The following OIP5 variants were observed in gnomAD, a reference collection of about 807,000 sequenced individuals.
The protein encoded by OIP5 is Opa interacting protein 5, also known as protein Mis18-beta.
Under a neutral mutation model 20.3 loss-of-function variants are expected in OIP5, and 24 were observed. That is an observed-to-expected ratio of 1.18 (90% CI 0.86 to 1.66). The LOEUF is 1.66. Ranked by LOEUF, OIP5 falls within the 40% of genes most tolerant of loss-of-function variation. The probability of loss-of-function intolerance (pLI) is 0.00; values close to 1 mark genes in which losing one functional copy is unlikely to be tolerated. For missense variants in OIP5, 339 were observed against 289.5 expected, an observed-to-expected ratio of 1.17 and a Z score of -1.24; for synonymous variants, 143 against 121.3, an observed-to-expected ratio of 1.18 and a Z score of -1.17.
At chr15:41,329,582 G>A (rs2047884398) in intron 2 of OIP5, among the ~76,000 whole-genome samples, 1 of 152,010 alleles carries the variant, frequency 6.6e-6, no homozygotes, top group Non-Finnish European at 1.5e-5. Flanking sequence ...CCAAAGTGCT[G>A]GGATTATAGG....
chr15:41,328,426 C>G (rs768376637), intron 2 of OIP5, among the ~76,000 whole-genome samples: 1 of 152,088 alleles, frequency 6.6e-6, no homozygotes, highest in Non-Finnish European at 1.5e-5. Context: ...TTGAATTTGC[C>G]ATAACAATTA....
chr15:41,312,259 T>C (rs544373364), intron 4 of OIP5, among the ~76,000 whole-genome samples: 1 of 151,890 alleles, frequency 6.6e-6, no homozygotes, highest in African/African-American at 2.4e-5. Flanking sequence ...TCTCGCAGGT[T>C]CAAGTGCTTC....
chr15:41,314,313 G>T (rs1393047585), intron 3 of OIP5, among the ~76,000 whole-genome samples: 1 of 152,124 alleles, frequency 6.6e-6, no homozygotes, highest in African/African-American at 2.4e-5. Flanking sequence ...TGTTGGCGAG[G>T]CTGGTCTCGA....
intron 3 of OIP5, 38 bp from the exon 4 acceptor site, chr15:41,313,392 T>C: frequency 2.6e-6 from 3 of 1,145,416 alleles, no homozygotes; most frequent in Non-Finnish European, 3.8e-6. Flanking sequence ...TGTCATACCA[T>C]GGTTAAGATT....
chr15:41,323,307 A>T (rs1368512965), intron 2 of OIP5, among the ~76,000 whole-genome samples: 1 of 152,170 alleles, frequency 6.6e-6, no homozygotes, highest in Non-Finnish European at 1.5e-5. Context: ...CAACATGGTG[A>T]AACTCCGTCT....
At chr15:41,332,186 G>A in intron 1 of OIP5, 54 bp downstream of exon 1, 4 of 1,511,654 alleles carry the variant, frequency 2.6e-6, no homozygotes, top group Non-Finnish European at 3.6e-6. Flanking sequence ...GGAGAAAGCG[G>A]GAACACCCTC....
intron 2 of OIP5, among the ~76,000 whole-genome samples, chr15:41,327,184 A>ATT (rs971332109): frequency 1.4e-5 from 2 of 146,538 alleles, no homozygotes. Context: ...GTATGTTTAA[A>ATT]TTTTTTTTTT....
rs915235093 is a variant in OIP5, at chr15:41,332,271, C to T, written c.291G>A (p.Leu97=). 4.5e-6 allele frequency: 7 copies of T among 1,560,220 alleles called. No homozygotes were observed. The South Asian group carries it at 4.8e-5, about 11-fold the overall frequency. ...AGACCACGGCCCCGAGGGACCGCGA[C>T]AGGTCCCAGGCGAGGTGCACCGAGT... ...LADSVHLAWD[L]SRSLGAVVFS... The change falls in exon 1 of 5, where the codon CTG becomes CTA. Residue 97 remains leucine (L), a synonymous_variant. Coordinates refer to ENST00000220514, the MANE Select transcript of OIP5 (RefSeq NM_007280.2).
intron 2 of OIP5, among the ~76,000 whole-genome samples, chr15:41,323,988 T>TTC (rs931518852): frequency 9.5e-5 from 13 of 136,766 alleles, no homozygotes; most frequent in Non-Finnish European, 1.7e-4. Context: ...ACCTCTGCTT[T>TTC]TTTTTTTTTT....
intron 2 of OIP5, among the ~76,000 whole-genome samples, chr15:41,329,251 C>T (rs1018009939): frequency 2.0e-5 from 3 of 151,272 alleles, no homozygotes; most frequent in Non-Finnish European, 4.4e-5. Context: ...TAACCCTCTT[C>T]GTAAGTCCCA....
At chr15:41,318,437 C>T (rs2047802126) in intron 3 of OIP5, among the ~76,000 whole-genome samples, 1 of 151,990 alleles carries the variant, frequency 6.6e-6, no homozygotes, top group South Asian at 2.1e-4. Context: ...GCTGGGATTA[C>T]AGGCGTGAGC....
At chr15:41,319,627 T>C (rs1167146743) in intron 3 of OIP5, 31 bp downstream of exon 3, 4 of 1,573,580 alleles carry the variant, frequency 2.5e-6, no homozygotes, top group Non-Finnish European at 3.4e-6. Context: ...AAATAAAATG[T>C]ATTTGATGAT....
chr15:41,330,586 G>A (rs575682561), intron 2 of OIP5, among the ~76,000 whole-genome samples: 50 of 151,940 alleles, frequency 3.3e-4, no homozygotes, highest in African/African-American at 1.0e-3. Context: ...TGTATTTTTA[G>A]TAGAGACACG....
At chr15:41,309,914 G>T in intron 4 of OIP5, 65 bp from the exon 5 acceptor site, 6 of 1,125,768 alleles carry the variant, frequency 5.3e-6, no homozygotes, top group Non-Finnish European at 7.8e-6. Context: ...TAAGAGACAG[G>T]GTCTCACTCT....
intron 3 of OIP5, among the ~76,000 whole-genome samples, chr15:41,318,888 A>C (rs2047804727): frequency 6.6e-6 from 1 of 151,710 alleles, no homozygotes; most frequent in Non-Finnish European, 1.5e-5. Context: ...ATAAAAAAAA[A>C]ACAGGAGTCT....
Position 41,309,861 on chromosome 15 carries a change from A to G in OIP5, c.595-12T>C. 1.9e-6 allele frequency: 3 copies of G among 1,568,144 alleles called. No individual in the cohort carries two copies. Among genetic ancestry groups the G allele is most frequent in the Non-Finnish European group, 2.6e-6 (3 of 1,140,762 alleles). On this transcript the variant is annotated splice_polypyrimidine_tract_variant and intron_variant, in intron 4 of 4. Coordinates refer to ENST00000220514, the MANE Select transcript of OIP5 (RefSeq NM_007280.2). ...ATCTTCTCTTTCAGCTAGGAAGAGA[A>G]ATATATAGATATCAGGGCATCTTTT...
At chr15:41,326,548 C>A (rs78588624) in intron 2 of OIP5, among the ~76,000 whole-genome samples, 12,797 of 152,194 alleles carry the variant, frequency 0.084, 678 homozygotes, top group East Asian at 0.16. Context: ...CTCGGCCTCC[C>A]AAGTGAGTAG....
At position 41,332,341 on chromosome 15, in the gene OIP5, C is replaced by A; in HGVS notation, c.221G>T (p.Arg74Met). Residue 74 changes from arginine (R) to methionine (M), a missense_variant, in exon 1 of 5, where the codon AGG (arginine) becomes ATG (methionine). Arg to Met is a moderately conservative substitution (Grantham distance 91). Transcript: ENST00000220514. ...CTGTGCGCACTGGAACACAGCGCAC[C>A]TCTCAGGCTGCAGCCAAGACGGCAG... ...PQLPSWLQPE[R>M]CAVFQCAQCH... 1 of 1,612,248 alleles carries A rather than the reference C, an allele frequency of 6.2e-7. No individual in the cohort carries two copies. Among genetic ancestry groups the A allele is most frequent in the Non-Finnish European group, 8.5e-7 (1 of 1,179,076 alleles).
At chr15:41,312,895 T>C (rs1313215833) in intron 4 of OIP5, among the ~76,000 whole-genome samples, 1 of 152,182 alleles carries the variant, frequency 6.6e-6, no homozygotes, top group Non-Finnish European at 1.5e-5. Context: ...ACCAAAGTGC[T>C]GGGATTACAG....
Sources: gnomAD v4.1 joint callset for allele counts (sites outside exome capture counted in the v4.1 genomes callset) on GRCh38, gnomAD v4.1.1 for gene constraint, MANE v1.5 for transcripts, NCBI Gene and HGNC (gene_info 2026-07-23, HGNC 2026-07-21) for gene names.